The following SGMS1 variants were observed in gnomAD, a reference collection of about 807,000 sequenced individuals.
SGMS1 encodes phosphatidylcholine:ceramide cholinephosphotransferase 1.
A neutral mutation model predicts 46.2 loss-of-function variants in SGMS1; 13 were observed. The observed-to-expected ratio is 0.28, with a 90% CI of 0.18 to 0.45. SGMS1 has a LOEUF of 0.45. SGMS1 is among the 20% of genes least tolerant of loss of function. The pLI, the probability that SGMS1 is intolerant of heterozygous loss-of-function variation, is 1.00. For synonymous variants in SGMS1, 203 were observed against 187.8 expected (o/e 1.08, Z -0.66); for missense variants, 324 against 519.9 (o/e 0.62, Z 3.66).
chr10:50,382,560 C>CACAT (rs1230732750), intron 6 of SGMS1, among the ~76,000 whole-genome samples: 1 of 71,794 alleles, frequency 1.4e-5, no homozygotes, highest in African/African-American at 4.9e-5. Flanking sequence ...CACACACAAA[C>CACAT]ACACACATAC....
At chr10:50,559,267 C>A (rs145736741) in intron 2 of SGMS1, among the ~76,000 whole-genome samples, 2 of 152,214 alleles carry the variant, frequency 1.3e-5, no homozygotes, top group Admixed American at 6.5e-5. Flanking sequence ...CTTTAAGCAA[C>A]ATCAGTATCC....
At chr10:50,488,522 G>A (rs1241624069) in intron 3 of SGMS1, among the ~76,000 whole-genome samples, 1 of 152,162 alleles carries the variant, frequency 6.6e-6, no homozygotes, top group East Asian at 1.9e-4. Flanking sequence ...TTTTTAATCA[G>A]TGGTCTCTCT....
At chr10:50,447,370 A>T (rs537895884) in intron 5 of SGMS1, among the ~76,000 whole-genome samples, 105 of 152,240 alleles carry the variant, frequency 6.9e-4, no homozygotes, top group Non-Finnish European at 1.2e-3. Context: ...TAATTACCTT[A>T]AAGTATAAAT....
At chr10:50,378,690 A>T (rs1270938445) in intron 6 of SGMS1, among the ~76,000 whole-genome samples, 1 of 152,206 alleles carries the variant, frequency 6.6e-6, no homozygotes, top group Non-Finnish European at 1.5e-5. Context: ...CTTTGAAAAA[A>T]TATTTGCTGA....
chr10:50,373,106 C>T (rs1848467566), intron 6 of SGMS1, among the ~76,000 whole-genome samples: 1 of 152,144 alleles, frequency 6.6e-6, no homozygotes, highest in South Asian at 2.1e-4. Context: ...AATCAGATTT[C>T]TAAGGGTATC....
intron 2 of SGMS1, among the ~76,000 whole-genome samples, chr10:50,542,817 C>T (rs935241605): frequency 6.9e-6 from 1 of 145,938 alleles, no homozygotes; most frequent in African/African-American, 2.5e-5. Context: ...GCAACCATTC[C>T]TGCAGGGTTT....
At chr10:50,355,074 C>A (rs1848117263) in intron 6 of SGMS1, among the ~76,000 whole-genome samples, 1 of 152,198 alleles carries the variant, frequency 6.6e-6, no homozygotes, top group Admixed American at 6.5e-5. Context: ...TCATTTGACC[C>A]AGCCATCCCC....
intron 1 of SGMS1, among the ~76,000 whole-genome samples, chr10:50,620,650 AAGGAAC>A (rs1197129651): frequency 2.6e-4 from 39 of 152,336 alleles, no homozygotes; most frequent in Admixed American, 2.4e-3. Flanking sequence ...CAATTGGAGG[AAGGAAC>A]AGACAGTGAT....
intron 3 of SGMS1, among the ~76,000 whole-genome samples, chr10:50,478,438 G>A (rs560659513): frequency 1.3e-5 from 2 of 152,264 alleles, no homozygotes; most frequent in South Asian, 4.2e-4. Flanking sequence ...CCCCAGAATA[G>A]GGGCTTAGGA....
At chr10:50,422,828 G>A (rs1311057903) in intron 6 of SGMS1, among the ~76,000 whole-genome samples, 1 of 152,082 alleles carries the variant, frequency 6.6e-6, no homozygotes, top group Non-Finnish European at 1.5e-5. Context: ...TTTTACATTT[G>A]CATTAGAGCA....
At chr10:50,502,352 A>G in intron 3 of SGMS1, among the ~76,000 whole-genome samples, 1 of 151,508 alleles carries the variant, frequency 6.6e-6, no homozygotes. Context: ...TCAGTAAAGA[A>G]CACTACTGGT....
chr10:50,329,391 T>A (rs1847580579), intron 7 of SGMS1, among the ~76,000 whole-genome samples: 1 of 152,204 alleles, frequency 6.6e-6, no homozygotes, highest in Non-Finnish European at 1.5e-5. Context: ...ATTTGACCAT[T>A]TCCATGTGAA....
chr10:50,552,369 T>C (rs928779346), intron 2 of SGMS1, among the ~76,000 whole-genome samples: 2 of 152,242 alleles, frequency 1.3e-5, no homozygotes, highest in African/African-American at 4.8e-5. Flanking sequence ...TTTTTTGATA[T>C]GTAAGTAGAC....
chr10:50,307,412 T>C lies in SGMS1; in HGVS notation c.1063-91A>G, dbSNP rs952075378. On this transcript the variant is annotated intron_variant, in intron 10 of 10. Transcript: ENST00000361781. The surrounding 1 kb of genome is among the most constrained non-coding windows in gnomAD (Gnocchi z 4.2). Reference sequence around the variant, plus strand: ...ACGCTAAAATTCCCAAAGGACTCCATACCTGCCCTGCGTGTCCACCCACAT... The same window carrying C: ...ACGCTAAAATTCCCAAAGGACTCCACACCTGCCCTGCGTGTCCACCCACAT... 2 of 1,137,396 alleles carry C rather than the reference T, an allele frequency of 1.8e-6. No homozygotes were observed. The highest frequency in any genetic ancestry group is 1.5e-5 in the South Asian group (1 of 66,410). 70.5% of individuals were successfully genotyped at this position (1,137,396 alleles called of 1,614,324 possible).
chr10:50,545,372 A>C (rs907268610), intron 2 of SGMS1, among the ~76,000 whole-genome samples: 1 of 152,168 alleles, frequency 6.6e-6, no homozygotes, highest in Admixed American at 6.5e-5. Flanking sequence ...TGGGTTGGTA[A>C]GAAGAAGTTC....
chr10:50,395,735 T>A (rs1848840444), intron 6 of SGMS1, among the ~76,000 whole-genome samples: 1 of 152,154 alleles, frequency 6.6e-6, no homozygotes, highest in African/African-American at 2.4e-5. Context: ...TAACTTAAAA[T>A]GTGGAAGGAT....
chr10:50,443,729 G>A (rs1359127480), intron 5 of SGMS1, among the ~76,000 whole-genome samples: 1 of 151,950 alleles, frequency 6.6e-6, no homozygotes, highest in African/African-American at 2.4e-5. Context: ...TACATTGTAT[G>A]TTAACATAAA....
chr10:50,527,835 G>A (rs183990503), intron 2 of SGMS1, among the ~76,000 whole-genome samples: 106 of 152,238 alleles, frequency 7.0e-4, no homozygotes, highest in African/African-American at 2.5e-3. Context: ...GAAAGAAGAG[G>A]GCTAAGAATA....
At position 50,526,485 on chromosome 10, in the gene SGMS1, T is replaced by C. The variant is rs1438548247; in HGVS notation, c.-588-6564A>G. On this transcript the variant is annotated intron_variant, in intron 2 of 10. Transcript: ENST00000361781. Reference sequence around the variant, plus strand: ...CATACAGACACACAATCTCCCTGTTTCAATGCACAACCTCTTGACTACAGG... The same window carrying C: ...CATACAGACACACAATCTCCCTGTTCCAATGCACAACCTCTTGACTACAGG... Among the ~76,000 whole-genome samples the C allele has an allele frequency of 3.9e-5, 6 of 152,146 alleles. No homozygotes were observed. The East Asian group carries it at 1.2e-3, about 29-fold the overall frequency.
Sources: allele counts gnomAD v4.1 joint callset (sites outside exome capture counted in the v4.1 genomes callset), GRCh38; gene constraint gnomAD v4.1.1; non-coding constraint Gnocchi (gnomAD v3.1); transcripts MANE v1.5; gene names NCBI Gene and HGNC (gene_info 2026-07-23, HGNC 2026-07-21).